MUC15: variants seen among roughly 807,000 people sequenced by gnomAD.
MUC15 encodes mucin 15, cell surface associated.
Under a neutral mutation model 24.0 loss-of-function variants are expected in MUC15, and 23 were observed. The ratio of observed to expected loss-of-function variants is 0.96; its 90% confidence interval spans 0.69 to 1.36. MUC15 has a LOEUF of 1.36. Ranked by LOEUF, MUC15 falls within the 40% of genes most tolerant of loss-of-function variation. The pLI is 0.00. For synonymous variants in MUC15, 151 were observed against 156.3 expected, an observed-to-expected ratio of 0.97 and a Z score of 0.25; for missense variants, 442 against 428.2, an observed-to-expected ratio of 1.03 and a Z score of -0.29.
chr11:26,561,030 G>T lies in MUC15; in HGVS notation c.*35C>A. ...TTTGTCAAAAGGCTAGGATGTAGAT[G>T]ACACTTGCTGTTTAACGCCTTTTTG... On this transcript the variant is annotated 3_prime_UTR_variant, in exon 5 of 5. Transcript: ENST00000529533. The T allele has an allele frequency of 6.3e-7, 1 of 1,584,768 alleles. No homozygotes were observed. The highest frequency in any genetic ancestry group is 1.1e-5 in the South Asian group (1 of 87,012).
At chr11:26,564,748 T>C (rs1329850879) in intron 3 of MUC15, among the ~76,000 whole-genome samples, 20 of 60,934 alleles carry the variant, frequency 3.3e-4, no homozygotes, top group Admixed American at 1.8e-4. Flanking sequence ...TATATATATA[T>C]ATATATATAT....
At position 26,565,685 on chromosome 11, in the gene MUC15, A is replaced by T. The variant is rs772239013; in HGVS notation, c.255T>A (p.Asp85Glu). 1.2e-6 allele frequency: 2 copies of T among 1,613,366 alleles called. No homozygotes were observed. The highest frequency in any genetic ancestry group is 2.2e-5 in the South Asian group (2 of 91,072). ...GATTTGAGGTGGTTATATTTTCTTT[A>T]TCTGAGTTTAAGTTTGCTTCACTTT... ...SLESEANLNS[D>E]KENITTSNLK... Residue 85 changes from aspartate to glutamate, a missense_variant, in exon 3 of 5, where the codon GAT becomes GAA. Asp to Glu is a conservative substitution (Grantham distance 45). Transcript: ENST00000529533.
rs765395713 is a variant in MUC15, at chr11:26,563,178, CACA to C, written c.860_862del (p.Leu287del). On this transcript the variant is annotated inframe_deletion, in exon 4 of 5. Coordinates refer to ENST00000529533, the MANE Select transcript of MUC15 (RefSeq NM_001135091.2). The stretch of plus-strand genomic sequence containing the variant: ...AAATGAATCCGTTTTCCTTTTTCCA[CACA>C]ACAAGTAGCCCACAAGAGTAAGCAA... 9.9e-6 allele frequency: 16 copies of C among 1,612,340 alleles called. No homozygotes were observed. The highest frequency in any genetic ancestry group is 5.3e-5 in the African/African-American group (4 of 74,772).
chr11:26,569,241 C>A (rs1850722216), intron 1 of MUC15, among the ~76,000 whole-genome samples: 1 of 152,094 alleles, frequency 6.6e-6, no homozygotes, highest in Non-Finnish European at 1.5e-5. Flanking sequence ...TCAACACCCC[C>A]AAACGTGCGA....
chr11:26,565,943 G>C, intron 2 of MUC15, 47 bp from the exon 3 acceptor site: 1 of 1,449,128 alleles, frequency 6.9e-7, no homozygotes, highest in Non-Finnish European at 9.2e-7. Flanking sequence ...AAAATACTCT[G>C]AGTTTTTAAA....
chr11:26,565,248 T>A lies in MUC15; in HGVS notation c.692A>T (p.Tyr231Phe). 1 of 1,554,000 alleles carries A rather than the reference T, an allele frequency of 6.4e-7. No individual in the cohort carries two copies. The highest frequency in any genetic ancestry group is 8.7e-7 in the Non-Finnish European group (1 of 1,150,756). Reference protein sequence around the residue: ...NSDSFTGFTPYQEKTTLQPTL... With the variant: ...NSDSFTGFTPFQEKTTLQPTL... The stretch of plus-strand genomic sequence containing the variant: ...AGGCTGTAGAGTTGTTTTTTCTTGA[T>A]AAGGGGTAAACCCAGTGAAGCTATC... Residue 231 changes from tyrosine to phenylalanine, a missense_variant, in exon 3 of 5, where the codon TAT becomes TTT. By Grantham distance (22) the Tyr-to-Phe change is conservative. Transcript: ENST00000529533.
rs142021312 is a variant in MUC15, at chr11:26,559,321, C to T, written c.*1744G>A. 2.1e-3 allele frequency: 350 copies of T among 163,684 alleles called. No homozygotes were observed. Among genetic ancestry groups the T allele is most frequent in the African/African-American group, 7.7e-3 (321 of 41,808 alleles). 10.1% of individuals were successfully genotyped at this position (163,684 alleles called of 1,614,324 possible). ...GAAGAATCCTGCATTTTCCAACTTC[C>T]CCACTCCTAGAAGTTTTGCTAACAG... On this transcript the variant is annotated 3_prime_UTR_variant, in exon 5 of 5. Transcript: ENST00000529533.
At position 26,572,247 on chromosome 11, in the gene MUC15, T is replaced by C. The variant is rs990674194; in HGVS notation, c.-252A>G. On this transcript the variant is annotated 5_prime_UTR_variant, in exon 1 of 5. Transcript: ENST00000529533. ...CGCCCAGGAACCTGACTGACCTGCT[T>C]CTCAGCTGTAAGCATTAAGATATCA... The C allele has an allele frequency of 6.1e-6, 6 of 985,206 alleles. No homozygotes were observed. Among genetic ancestry groups the C allele is most frequent in the Admixed American group, 6.2e-5 (1 of 16,230 alleles). The allele number at this position is 985,206 out of a possible 1,614,324, so 61.0% of individuals were successfully genotyped here. A position where few individuals can be genotyped will look rare whatever the true frequency, so the allele number is the denominator to read the frequency against.
chr11:26,563,513 T>G (rs1483398815), intron 3 of MUC15, among the ~76,000 whole-genome samples: 4 of 151,806 alleles, frequency 2.6e-5, no homozygotes, highest in Non-Finnish European at 4.4e-5. Context: ...TACATTGAAA[T>G]ACTTCTAAGT....
chr11:26,562,539 T>G (rs1850334740), intron 4 of MUC15, among the ~76,000 whole-genome samples: 2 of 151,942 alleles, frequency 1.3e-5, no homozygotes, highest in Admixed American at 1.3e-4. Flanking sequence ...TATACATATT[T>G]CTCATTCATA....
intron 2 of MUC15, 108 bp from the exon 3 acceptor site, chr11:26,566,004 G>T (rs1850566182): frequency 1.8e-6 from 2 of 1,119,478 alleles, no homozygotes; most frequent in African/African-American, 1.6e-5. Flanking sequence ...TATAGAGATG[G>T]TAATATCATA....
chr11:26,567,594 C>T (rs1343531879), intron 1 of MUC15, among the ~76,000 whole-genome samples: 1 of 151,938 alleles, frequency 6.6e-6, no homozygotes, highest in Non-Finnish European at 1.5e-5. Flanking sequence ...AAATCTGATA[C>T]TTCTCTTCAA....
intron 3 of MUC15, 25 bp downstream of exon 3, chr11:26,565,140 G>A: frequency 6.7e-7 from 1 of 1,486,722 alleles, no homozygotes; most frequent in East Asian, 2.3e-5. Context: ...CACACAAAAG[G>A]AAAGTTAAAA....
chr11:26,561,328 T>C (rs1363390586), intron 4 of MUC15, 103 bp from the exon 5 acceptor site: 2 of 749,496 alleles, frequency 2.7e-6, no homozygotes, highest in Admixed American at 8.4e-5. Flanking sequence ...AGAAAATAAA[T>C]ATATTTTTAT....
rs1590527018 is a variant in MUC15 at position 26,559,564 on chromosome 11, A to C, written c.*1501T>G. ...GAGAAAAATCATGTGAAATTGTTGC[A>C]AGACCCATGAAAGGAATTCATATAT... On this transcript the variant is annotated 3_prime_UTR_variant, in exon 5 of 5. Transcript: ENST00000529533. The C allele has an allele frequency of 1.0e-5, 6 of 594,566 alleles. No individual in the cohort carries two copies. The East Asian group carries it at 1.4e-4, about 14-fold the overall frequency. 36.8% of individuals were successfully genotyped at this position (594,566 alleles called of 1,614,324 possible).
At chr11:26,562,796 C>G (rs955023619) in intron 4 of MUC15, among the ~76,000 whole-genome samples, 1 of 151,876 alleles carries the variant, frequency 6.6e-6, no homozygotes, top group African/African-American at 2.4e-5. Context: ...CACTTGCTAA[C>G]AAAACTGGTC....
In MUC15 at chr11:26,563,014, T is replaced by A. The variant is rs1255615392; in HGVS notation, c.925+102A>T. ...TAAGTCTTTAGTTTGTTCATTCATATGAATTCTTTTGGAATTACCTTCTAG... is the reference window on the plus strand; with the variant it reads ...TAAGTCTTTAGTTTGTTCATTCATAAGAATTCTTTTGGAATTACCTTCTAG... On this transcript the variant is annotated intron_variant, in intron 4 of 4. Transcript: ENST00000529533. 3.4e-6 allele frequency: 5 copies of A among 1,455,768 alleles called. No homozygotes were observed. In the African/African-American group the frequency reaches 7.2e-5, roughly 21 times the overall value. The allele number at this position is 1,455,768 out of a possible 1,614,324, so 90.2% of individuals were successfully genotyped here.
In MUC15 at chr11:26,563,110, T is replaced by C. The variant is rs764719014; in HGVS notation, c.925+6A>G. 1 of 1,610,912 alleles carries C rather than the reference T, an allele frequency of 6.2e-7. No individual in the cohort carries two copies. Among genetic ancestry groups the C allele is most frequent in the East Asian group, 2.2e-5 (1 of 44,818 alleles). Reference sequence around the variant, plus strand: ...GCCCAGGTGAAGTATTGAAAATAGATTTTACCTGGTTCATTTCTGTCGTCA... The same window carrying C: ...GCCCAGGTGAAGTATTGAAAATAGACTTTACCTGGTTCATTTCTGTCGTCA... On this transcript the variant is annotated splice_donor_region_variant and intron_variant, in intron 4 of 4. Transcript: ENST00000529533.
rs777978468 is a variant in MUC15 at position 26,563,137 on chromosome 11, A to G, written c.904T>C (p.Tyr302His). Reference sequence around the variant, plus strand: ...TTACCTGGTTCATTTCTGTCGTCATAAAGTCGCCGATGGGAAAATGAATCC... The same window carrying G: ...TTACCTGGTTCATTTCTGTCGTCATGAAGTCGCCGATGGGAAAATGAATCC... ...KTDSFSHRRLYDDRNEPVLRL... is the reference protein window; with the variant it reads ...KTDSFSHRRLHDDRNEPVLRL... Residue 302 changes from tyrosine (Y) to histidine (H), a missense_variant, in exon 4 of 5, where the codon TAT (tyrosine) becomes CAT (histidine). Tyr to His is a moderately conservative substitution (Grantham distance 83). Transcript: ENST00000529533. The G allele has an allele frequency of 1.2e-6, 2 of 1,612,138 alleles. No homozygotes were observed. The highest frequency in any genetic ancestry group is 2.2e-5 in the South Asian group (2 of 90,940).
Sources: gnomAD v4.1 joint callset for allele counts (sites outside exome capture counted in the v4.1 genomes callset) on GRCh38, gnomAD v4.1.1 for gene constraint, MANE v1.5 for transcripts, NCBI Gene and HGNC (gene_info 2026-07-23, HGNC 2026-07-21) for gene names.